ART4: variants seen among roughly 807,000 people sequenced by gnomAD.
ART4 encodes ecto-ADP-ribosyltransferase 4.
A neutral mutation model predicts 24.2 loss-of-function variants in ART4; 14 were observed. That is an observed-to-expected ratio of 0.58 (90% CI 0.38 to 0.90). ART4 has a LOEUF of 0.90. Ranked by LOEUF, ART4 falls within the 40% of genes least tolerant of loss-of-function variation. The pLI is 0.00. For missense variants in ART4, 356 were observed against 366.6 expected, an observed-to-expected ratio of 0.97 and a Z score of 0.24; for synonymous variants, 145 against 139.9, an observed-to-expected ratio of 1.04 and a Z score of -0.26.
At chr12:14,838,780 GA>G (rs1950446659) in intron 2 of ART4, among the ~76,000 whole-genome samples, 1 of 152,102 alleles carries the variant, frequency 6.6e-6, no homozygotes, top group Non-Finnish European at 1.5e-5. Flanking sequence ...CTGAGAGCCT[GA>G]ATTATAAATC....
At position 14,829,283 on chromosome 12, in the gene ART4, A is replaced by C. The variant is rs547667464; in HGVS notation, c.*88T>G. 247 of 924,840 alleles carry C rather than the reference A, an allele frequency of 2.7e-4. 1 individual carries two copies. Among genetic ancestry groups the C allele is most frequent in the Non-Finnish European group, 3.6e-4 (231 of 638,210 alleles). The allele number at this position is 924,840 out of a possible 1,614,324, so 57.3% of individuals were successfully genotyped here. On this transcript the variant is annotated 3_prime_UTR_variant, in exon 3 of 3. Transcript: ENST00000228936. ...AGTATGATGGGATCATCCTTCCTGG[A>C]AAATAAATGTCCATTTCTAGCCAAA...
intron 2 of ART4, among the ~76,000 whole-genome samples, chr12:14,835,979 A>G (rs1950428173): frequency 6.6e-6 from 1 of 152,158 alleles, no homozygotes; most frequent in Non-Finnish European, 1.5e-5. Flanking sequence ...GTGTCCCTTT[A>G]TCCTTAGTGG....
intron 2 of ART4, among the ~76,000 whole-genome samples, chr12:14,830,536 AGTGTGTGTGTGTGTGTGTGTGTGT>A (rs55694373): frequency 1.6e-5 from 2 of 124,160 alleles, no homozygotes; most frequent in African/African-American, 3.0e-5. Flanking sequence ...TCTATATAGG[AGTGTGTGTGTGTGTGTGTGTGTGT>A]GTGTGTGTGT....
rs1950368667 is a variant in ART4, at chr12:14,827,765, T to G, written c.*1606A>C. ...CTAGGTGACAGAGGTGATTTGGCCC[T>G]GTTAGTTTCAAATCCCAATTTAAAG... On this transcript the variant is annotated 3_prime_UTR_variant, in exon 3 of 3. Transcript: ENST00000228936. 6.6e-6 allele frequency: 1 copy of G among 152,214 alleles called. No individual in the cohort carries two copies. Among genetic ancestry groups the G allele is most frequent in the Non-Finnish European group, 1.5e-5 (1 of 68,046 alleles). The allele number at this position is 152,214 out of a possible 1,614,324, so 9.4% of individuals were successfully genotyped here.
At chr12:14,829,993 A>G (rs1950383473) in intron 2 of ART4, among the ~76,000 whole-genome samples, 1 of 152,180 alleles carries the variant, frequency 6.6e-6, no homozygotes, top group Non-Finnish European at 1.5e-5. Context: ...GGCACCATTC[A>G]AACTTGGCCA....
intron 2 of ART4, among the ~76,000 whole-genome samples, chr12:14,839,603 C>G (rs1030497907): frequency 2.0e-5 from 3 of 152,170 alleles, no homozygotes; most frequent in Non-Finnish European, 2.9e-5. Context: ...AATAACTAAC[C>G]TGCTCACATG....
chr12:14,830,435 G>C (rs1950386402), intron 2 of ART4, among the ~76,000 whole-genome samples: 1 of 150,414 alleles, frequency 6.6e-6, no homozygotes. Context: ...CTCAATATTT[G>C]CTCATATTGT....
Position 14,841,164 on chromosome 12 carries a change from AG to A in ART4, c.145-12del. 1 of 1,565,692 alleles carries A rather than the reference AG, an allele frequency of 6.4e-7. No individual in the cohort carries two copies. Among genetic ancestry groups the A allele is most frequent in the East Asian group, 2.2e-5 (1 of 44,600 alleles). ...GATTTTAATTGCAACCTGTAAAAAA[AG>A]AAAAATCTTGAGTTTAATTTTTCAA... On this transcript the variant is annotated splice_polypyrimidine_tract_variant and intron_variant, in intron 1 of 2. Coordinates refer to ENST00000228936, the MANE Select transcript of ART4 (RefSeq NM_021071.4).
intron 2 of ART4, among the ~76,000 whole-genome samples, chr12:14,834,011 C>T (rs1460288145): frequency 6.6e-6 from 1 of 152,188 alleles, no homozygotes; most frequent in Non-Finnish European, 1.5e-5. Flanking sequence ...AAAGTACTTT[C>T]CCAGAGTTTC....
intron 1 of ART4, 137 bp downstream of exon 1, chr12:14,842,832 TA>T: frequency 9.0e-7 from 1 of 1,116,894 alleles, no homozygotes; most frequent in Non-Finnish European, 1.2e-6. Context: ...CACTCTTTAC[TA>T]ACATGATTTG....
At chr12:14,833,624 T>C (rs1950410500) in intron 2 of ART4, among the ~76,000 whole-genome samples, 1 of 152,216 alleles carries the variant, frequency 6.6e-6, no homozygotes, top group Non-Finnish European at 1.5e-5. Context: ...CAGTGTATTA[T>C]AACCTGATTT....
In ART4 at chr12:14,826,791, A is replaced by C. The variant is rs1950362505; in HGVS notation, c.*2580T>G. On this transcript the variant is annotated 3_prime_UTR_variant, in exon 3 of 3. Transcript: ENST00000228936. ...TAAGTAAAACATCATCTCTGATAGAAAGCTTTATCTAACCATAGGCCAGAG... is the reference window on the plus strand; with the variant it reads ...TAAGTAAAACATCATCTCTGATAGACAGCTTTATCTAACCATAGGCCAGAG... 1 of 152,160 alleles carries C rather than the reference A, an allele frequency of 6.6e-6. No homozygotes were observed. Among genetic ancestry groups the C allele is most frequent in the Non-Finnish European group, 1.5e-5 (1 of 68,036 alleles). 9.4% of individuals were successfully genotyped at this position (152,160 alleles called of 1,614,324 possible).
rs1478764873 is a variant in ART4, at chr12:14,840,520, A to G, written c.778T>C (p.Tyr260His). 3 of 1,614,048 alleles carry G rather than the reference A, an allele frequency of 1.9e-6. No homozygotes were observed. The African/African-American group carries it at 4.0e-5, about 22-fold the overall frequency. The change falls in exon 2 of 3, where the codon TAC becomes CAC. Residue 260 changes from tyrosine (Y) to histidine (H), a missense_variant. Tyr to His is a moderately conservative substitution (Grantham distance 83). Coordinates refer to ENST00000228936, the MANE Select transcript of ART4 (RefSeq NM_021071.4). ...YELFKVINMS[Y>H]HPRGDWLQLR... ...TGCAACCAGTCTCCTCTTGGGTGGT[A>G]GCTCATATTTATAACTTTAAACAGC...
rs28362795 is a variant in ART4 at position 14,841,567 on chromosome 12, C to A, written c.145-414G>T. On this transcript the variant is annotated intron_variant, in intron 1 of 2. Coordinates refer to ENST00000228936, the MANE Select transcript of ART4 (RefSeq NM_021071.4). ...TATCACTTTTATGAATGCCCAAAAC[C>A]AAATTAAATCCTTGAACTTTATCCT... Among the ~76,000 whole-genome samples the A allele has an allele frequency of 1.7e-3, 265 of 152,224 alleles. 1 individual carries two copies. The highest frequency in any genetic ancestry group is 6.1e-3 in the African/African-American group (253 of 41,522).
chr12:14,840,600 C>T lies in ART4; in HGVS notation c.698G>A (p.Gly233Asp), dbSNP rs778326337. 6.2e-7 allele frequency: 1 copy of T among 1,614,144 alleles called. No individual in the cohort carries two copies. Among genetic ancestry groups the T allele is most frequent in the Non-Finnish European group, 8.5e-7 (1 of 1,180,022 alleles). The stretch of plus-strand genomic sequence containing the variant: ...GAGGGAGAAGTACTGTACAGGTGCA[C>T]CCAGGCAGGTGAATATGGTAAATAG... ...QTLFTIFTCL[G>D]APVQYFSLKK... The change falls in exon 2 of 3, where the codon GGT becomes GAT. Residue 233 changes from glycine (G) to aspartate (D), a missense_variant. Physicochemically the swap from Gly to Asp is moderately conservative, Grantham distance 94. Transcript: ENST00000228936.
intron 2 of ART4, among the ~76,000 whole-genome samples, chr12:14,833,502 C>T (rs1950409756): frequency 6.6e-6 from 1 of 152,154 alleles, no homozygotes; most frequent in African/African-American, 2.4e-5. Flanking sequence ...TCAGCATTCA[C>T]ATCAGTACAG....
chr12:14,842,882 G>A (rs1313373040), intron 1 of ART4, 88 bp downstream of exon 1: 2 of 1,445,766 alleles, frequency 1.4e-6, no homozygotes, highest in Non-Finnish European at 1.9e-6. Flanking sequence ...GAATGCCTAA[G>A]TTTTCGGCCA....
At position 14,830,136 on chromosome 12, in the gene ART4, G is replaced by GTGTA. The variant is rs1258339363; in HGVS notation, c.854-675_854-674insTACA. On this transcript the variant is annotated intron_variant, in intron 2 of 2. Coordinates refer to ENST00000228936, the MANE Select transcript of ART4 (RefSeq NM_021071.4). ...CTGTTTGGAGTGTGTGTGTGTGTGT[G>GTGTA]TGTGTGTGTGTGTGTGTGTTCTAAC... is the stretch of plus-strand genomic sequence containing the variant. Among the ~76,000 whole-genome samples the GTGTA allele has an allele frequency of 4.0e-5, 6 of 151,840 alleles. No homozygotes were observed. The East Asian group carries it at 1.2e-3, about 29-fold the overall frequency.
chr12:14,825,887 T>A lies in ART4; in HGVS notation c.*3484A>T, dbSNP rs1468487962. On this transcript the variant is annotated 3_prime_UTR_variant, in exon 3 of 3. Coordinates refer to ENST00000228936, the MANE Select transcript of ART4 (RefSeq NM_021071.4). Reference sequence around the variant, plus strand: ...ACATGGGTTGAGTGTTTTTACTTTTTAAATTTTTCCTGTTTCAATCAGCTT... The same window carrying A: ...ACATGGGTTGAGTGTTTTTACTTTTAAAATTTTTCCTGTTTCAATCAGCTT... 6.6e-6 allele frequency: 1 copy of A among 152,250 alleles called. No individual in the cohort carries two copies. The highest frequency in any genetic ancestry group is 1.5e-5 in the Non-Finnish European group (1 of 68,042). 9.4% of individuals were successfully genotyped at this position (152,250 alleles called of 1,614,324 possible).
Sources: gnomAD v4.1 joint callset for allele counts (sites outside exome capture counted in the v4.1 genomes callset) on GRCh38, gnomAD v4.1.1 for gene constraint, MANE v1.5 for transcripts, NCBI Gene and HGNC (gene_info 2026-07-23, HGNC 2026-07-21) for gene names.